SPOP: variants seen among roughly 807,000 people sequenced by gnomAD.
The protein encoded by SPOP is speckle-type POZ protein.
Under a neutral mutation model 45.6 loss-of-function variants are expected in SPOP, and 11 were observed. The observed-to-expected ratio is 0.24, with a 90% CI of 0.15 to 0.40. The LOEUF (loss-of-function observed/expected upper bound fraction) is 0.40. Ranked by LOEUF, SPOP falls within the 10% of genes least tolerant of loss-of-function variation. SPOP has a pLI of 1.00. For missense variants in SPOP, 152 were observed against 465.6 expected, an observed-to-expected ratio of 0.33 and a Z score of 6.20; for synonymous variants, 166 against 166.3, an observed-to-expected ratio of 1.00 and a Z score of 0.01.
At position 49,619,533 on chromosome 17, in the gene SPOP, T is replaced by C. The variant is rs2072174537; in HGVS notation, c.201-148A>G. Reference sequence around the variant, plus strand: ...AGTAGAATGACTAGTTGGGAACAACTTTTTTCTCTTTTTTTTTGAGACATG... The same window carrying C: ...AGTAGAATGACTAGTTGGGAACAACCTTTTTCTCTTTTTTTTTGAGACATG... On this transcript the variant is annotated intron_variant, in intron 3 of 9. Transcript: ENST00000504102. This position sits in a 1 kb window ranked among gnomAD's most constrained non-coding sequence, Gnocchi z 4.9. The C allele has an allele frequency of 1.2e-5, 11 of 900,528 alleles. No homozygotes were observed. The highest frequency in any genetic ancestry group is 5.3e-5 in the East Asian group (2 of 37,606). The allele number at this position is 900,528 out of a possible 1,614,324, so 55.8% of individuals were successfully genotyped here.
Position 49,647,313 on chromosome 17 carries a change from TAA to T in SPOP, c.-66-24439_-66-24438del, listed in dbSNP as rs1156781114. Among the ~76,000 whole-genome samples the T allele has an allele frequency of 5.3e-3, 230 of 43,126 alleles. 1 individual carries two copies. Among genetic ancestry groups the T allele is most frequent in the African/African-American group, 0.021 (202 of 9,834 alleles). 28.3% of individuals were successfully genotyped at this position (43,126 alleles called of 152,430 possible). A position where few individuals can be genotyped will look rare whatever the true frequency, so the allele number is the denominator to read the frequency against. On this transcript the variant is annotated intron_variant, in intron 1 of 9. Coordinates refer to ENST00000504102, the MANE Select transcript of SPOP (RefSeq NM_001007228.2). ...CTACAGAGTGAGTGAGATGCCGTCT[TAA>T]AAAAAAAAAAAAAAAAAAAAAAAAA...
chr17:49,625,567 C>A (rs1373994057), intron 1 of SPOP, among the ~76,000 whole-genome samples: 1 of 152,140 alleles, frequency 6.6e-6, no homozygotes, highest in Admixed American at 6.5e-5. Flanking sequence ...GAGATCGCAC[C>A]ATTGCACTCC....
intron 3 of SPOP, chr17:49,620,769 C>T (rs1399328797): frequency 6.5e-6 from 1 of 154,000 alleles, no homozygotes; most frequent in African/African-American, 2.4e-5. Context: ...CTGCTTCTAC[C>T]ACATGCAATA....
chr17:49,658,379 C>T (rs1222735632), intron 1 of SPOP, among the ~76,000 whole-genome samples: 1 of 152,030 alleles, frequency 6.6e-6, no homozygotes, highest in East Asian at 1.9e-4. Context: ...TACTTTTATT[C>T]TGAAAAAATA....
chr17:49,674,297 ATGTT>A (rs2073173426), intron 1 of SPOP, among the ~76,000 whole-genome samples: 1 of 152,146 alleles, frequency 6.6e-6, no homozygotes. Flanking sequence ...TCTTCTTTAA[ATGTT>A]TGGTAGAAAT....
chr17:49,644,922 G>GA (rs2072727014), intron 1 of SPOP, among the ~76,000 whole-genome samples: 2 of 152,116 alleles, frequency 1.3e-5, no homozygotes, highest in Admixed American at 6.5e-5. Context: ...AAACAGAACT[G>GA]AAAGTATAAA....
At chr17:49,658,550 ATGT>A (rs1422749238) in intron 1 of SPOP, among the ~76,000 whole-genome samples, 1 of 152,172 alleles carries the variant, frequency 6.6e-6, no homozygotes, top group African/African-American at 2.4e-5. Flanking sequence ...TGCTGTTTTC[ATGT>A]TGTTTCTTCA....
At chr17:49,657,057 C>G (rs529369332) in intron 1 of SPOP, among the ~76,000 whole-genome samples, 3 of 151,688 alleles carry the variant, frequency 2.0e-5, no homozygotes, top group African/African-American at 7.3e-5. Flanking sequence ...TGGTGGCGGG[C>G]GCCTGTAGTC....
At chr17:49,649,428 TAGGGAGGCTG>T (rs965336736) in intron 1 of SPOP, among the ~76,000 whole-genome samples, 1 of 151,806 alleles carries the variant, frequency 6.6e-6, no homozygotes, top group Admixed American at 6.6e-5. Context: ...TCCCAGCTAC[TAGGGAGGCTG>T]AGGCAGGAGA....
rs146116174 is a variant in SPOP, at chr17:49,601,951, G to A, written c.894C>T (p.Ser298=). The change falls in exon 9 of 10, where the codon TCC becomes TCT. Residue 298 remains serine, a synonymous_variant. Coordinates refer to ENST00000504102, the MANE Select transcript of SPOP (RefSeq NM_001007228.2). ...TGAGAATTTCTGCAGCGTTCTCCACGGACAGGTTACTGCAGAGGGCATCCT... is the reference window on the plus strand; with the variant it reads ...TGAGAATTTCTGCAGCGTTCTCCACAGACAGGTTACTGCAGAGGGCATCCT... ...MCEDALCSNL[S]VENAAEILIL... is the part of the protein sequence containing the mutation. 2.2e-5 allele frequency: 35 copies of A among 1,614,028 alleles called. No homozygotes were observed. In the East Asian group the frequency reaches 2.2e-4, roughly 10 times the overall value.
At chr17:49,678,105 C>T (rs2073229598), upstream of SPOP, 2 of 397,234 alleles carry the variant, frequency 5.0e-6, no homozygotes, top group African/African-American at 4.1e-5. Flanking sequence ...GTCATGGCGT[C>T]AGCACGTCGA....
At chr17:49,616,376 G>A (rs2072087490) in intron 5 of SPOP, among the ~76,000 whole-genome samples, 1 of 152,026 alleles carries the variant, frequency 6.6e-6, no homozygotes, top group Non-Finnish European at 1.5e-5. Context: ...TGACGAATGG[G>A]GCACTGGGGT....
At chr17:49,625,152 T>C (rs948977696) in intron 1 of SPOP, among the ~76,000 whole-genome samples, 1 of 152,150 alleles carries the variant, frequency 6.6e-6, no homozygotes, top group Non-Finnish European at 1.5e-5. Context: ...ACTGCTGTCC[T>C]AGAGAAACGC....
At chr17:49,603,735 C>G (rs1162461240) in intron 8 of SPOP, among the ~76,000 whole-genome samples, 2 of 152,192 alleles carry the variant, frequency 1.3e-5, no homozygotes, top group Non-Finnish European at 2.9e-5. Context: ...AGGCTTGAAG[C>G]AAAAACTGTC....
intron 1 of SPOP, among the ~76,000 whole-genome samples, chr17:49,647,305 T>C (rs2908433): frequency 0.73 from 91,138 of 125,524 alleles, 33,288 homozygotes; most frequent in East Asian, 1. Context: ...GTGAGTGAGA[T>C]GCCGTCTTAA....
chr17:49,667,828 C>T (rs967127133), intron 1 of SPOP, among the ~76,000 whole-genome samples: 1 of 151,956 alleles, frequency 6.6e-6, no homozygotes, highest in African/African-American at 2.4e-5. Context: ...TCCCAATAGC[C>T]GAAAGGTAAA....
At position 49,621,918 on chromosome 17, in the gene SPOP, T is replaced by G. The variant is rs142587765; in HGVS notation, c.200+28A>C. The G allele has an allele frequency of 1.2e-4, 194 of 1,608,222 alleles. No individual in the cohort carries two copies. The African/African-American group carries it at 2.2e-3, about 19-fold the overall frequency. ...ACAAAACAGACAACTTCAGAAAAAT[T>G]TTTACAGTTAGACGTATTCTTCCTC... is the stretch of plus-strand genomic sequence containing the variant. On this transcript the variant is annotated intron_variant, in intron 3 of 9. Transcript: ENST00000504102.
intron 7 of SPOP, 72 bp downstream of exon 7, chr17:49,607,802 T>C (rs1291491400): frequency 1.4e-6 from 2 of 1,405,910 alleles, no homozygotes; most frequent in Non-Finnish European, 2.0e-6. Context: ...AAAATGAATC[T>C]GCAGCTAAAG....
At chr17:49,677,069 G>A (rs1210838810) in intron 1 of SPOP, among the ~76,000 whole-genome samples, 1 of 152,136 alleles carries the variant, frequency 6.6e-6, no homozygotes, top group South Asian at 2.1e-4. Context: ...TAAGAAGGCC[G>A]GTGCCCTTTA....
Sources: gnomAD v4.1 joint callset for allele counts (sites outside exome capture counted in the v4.1 genomes callset) on GRCh38, gnomAD v4.1.1 for gene constraint, Gnocchi (gnomAD v3.1) non-coding constraint, MANE v1.5 for transcripts, NCBI Gene and HGNC (gene_info 2026-07-23, HGNC 2026-07-21) for gene names.